The following DNAJC3 variants were observed in gnomAD, a reference collection of about 807,000 sequenced individuals.
The protein encoded by DNAJC3 is dnaJ homolog subfamily C member 3.
A neutral mutation model predicts 68.6 loss-of-function variants in DNAJC3; 38 were observed. The ratio of observed to expected loss-of-function variants is 0.55; its 90% confidence interval spans 0.43 to 0.73. The LOEUF (loss-of-function observed/expected upper bound fraction) is 0.73, where lower values mean the gene tolerates loss of function less well. Among genes scored for constraint, DNAJC3 ranks in the 30% least tolerant of loss-of-function variants. The probability of loss-of-function intolerance (pLI) is 0.00; values close to 1 mark genes in which losing one functional copy is unlikely to be tolerated. For missense variants in DNAJC3, 526 were observed against 591.9 expected (o/e 0.89, Z 1.16); for synonymous variants, 203 against 204.0 (o/e 1.00, Z 0.04).
chr13:95,704,855 T>TTTTGTTTTTTTG (rs1336629409), intron 1 of DNAJC3, among the ~76,000 whole-genome samples: 1 of 138,988 alleles, frequency 7.2e-6, no homozygotes, highest in African/African-American at 3.1e-5. Flanking sequence ...GTGTGTGTTT[T>TTTTGTTTTTTTG]TTTTTTTTTT....
Position 95,791,064 on chromosome 13 carries a change from A to G in DNAJC3, c.*34A>G. ...TTTTTCTGCTCTTCTTAATTTTTTT[A>G]AAGATTAAAAACAAAGAAATCTTGT... On this transcript the variant is annotated 3_prime_UTR_variant, in exon 12 of 12. Transcript: ENST00000602402. 1 of 1,598,370 alleles carries G rather than the reference A, an allele frequency of 6.3e-7. No individual in the cohort carries two copies. Among genetic ancestry groups the G allele is most frequent in the Non-Finnish European group, 8.5e-7 (1 of 1,175,360 alleles).
At chr13:95,704,605 A>G (rs928015282) in intron 1 of DNAJC3, among the ~76,000 whole-genome samples, 3 of 152,276 alleles carry the variant, frequency 2.0e-5, no homozygotes, top group South Asian at 4.1e-4. Flanking sequence ...CTGTGAGTCT[A>G]TGAATGGTGG....
intron 9 of DNAJC3, among the ~76,000 whole-genome samples, chr13:95,775,546 C>A (rs138075702): frequency 6.6e-6 from 1 of 152,290 alleles, no homozygotes; most frequent in East Asian, 1.9e-4. Flanking sequence ...CGATTGTATA[C>A]TACTGATAAT....
chr13:95,704,978 A>G (rs890087088), intron 1 of DNAJC3, among the ~76,000 whole-genome samples: 2 of 151,032 alleles, frequency 1.3e-5, no homozygotes, highest in African/African-American at 2.4e-5. Flanking sequence ...CAGCCTCCCC[A>G]GTAGCTGGGA....
At chr13:95,787,381 G>A (rs17882407) in intron 11 of DNAJC3, among the ~76,000 whole-genome samples, 2,280 of 152,296 alleles carry the variant, frequency 0.015, 60 homozygotes, top group African/African-American at 0.052. Context: ...CAGAGGGCCT[G>A]AATTTGAATC....
chr13:95,768,341 G>A (rs1275784300), intron 9 of DNAJC3, among the ~76,000 whole-genome samples: 6 of 152,132 alleles, frequency 3.9e-5, no homozygotes, highest in African/African-American at 1.4e-4. Context: ...TCATTTTCAG[G>A]TTGTTTGGAA....
chr13:95,779,385 A>G (rs878955034), intron 9 of DNAJC3, among the ~76,000 whole-genome samples: 1 of 152,044 alleles, frequency 6.6e-6, no homozygotes, highest in Non-Finnish European at 1.5e-5. Context: ...CGGCCTCCCA[A>G]AGTGCTGGGA....
intron 4 of DNAJC3, among the ~76,000 whole-genome samples, chr13:95,737,275 A>C (rs1293406639): frequency 6.6e-6 from 1 of 152,116 alleles, no homozygotes; most frequent in Admixed American, 6.5e-5. Context: ...TATTGGTCTA[A>C]AATTCTCTTT....
intron 7 of DNAJC3, among the ~76,000 whole-genome samples, chr13:95,761,088 A>G (rs1470137107): frequency 6.6e-6 from 1 of 152,190 alleles, no homozygotes; most frequent in Non-Finnish European, 1.5e-5. Context: ...CTTAAACTTG[A>G]CAATAGTTTT....
intron 4 of DNAJC3, among the ~76,000 whole-genome samples, chr13:95,725,704 A>C (rs1318183620): frequency 1.3e-5 from 2 of 148,820 alleles, no homozygotes; most frequent in African/African-American, 5.0e-5. Flanking sequence ...TTTAAGTTTT[A>C]GGGTACATGT....
intron 9 of DNAJC3, among the ~76,000 whole-genome samples, chr13:95,770,648 C>G (rs989207613): frequency 6.6e-6 from 1 of 152,078 alleles, no homozygotes; most frequent in African/African-American, 2.4e-5. Flanking sequence ...TTGTTTAAAT[C>G]GGCCTAAAAT....
At chr13:95,703,666 A>G (rs1375889831) in intron 1 of DNAJC3, among the ~76,000 whole-genome samples, 1 of 152,256 alleles carries the variant, frequency 6.6e-6, no homozygotes, top group Non-Finnish European at 1.5e-5. Flanking sequence ...GATTGACTGT[A>G]TATACAAATA....
At chr13:95,724,990 G>A (rs900373034) in intron 3 of DNAJC3, among the ~76,000 whole-genome samples, 188 bp from the exon 4 acceptor site, 8 of 152,124 alleles carry the variant, frequency 5.3e-5, no homozygotes, top group Non-Finnish European at 1.0e-4. Context: ...TATTTTTAAG[G>A]AAGCATACTT....
chr13:95,740,970 T>A (rs1593995525), intron 4 of DNAJC3, among the ~76,000 whole-genome samples: 1 of 152,364 alleles, frequency 6.6e-6, no homozygotes, highest in East Asian at 1.9e-4. Flanking sequence ...TTTTTCTAAT[T>A]TCTTTGTATT....
intron 5 of DNAJC3, 54 bp downstream of exon 5, chr13:95,757,850 T>C (rs1882710120): frequency 1.4e-6 from 2 of 1,456,422 alleles, no homozygotes; most frequent in Admixed American, 3.9e-5. Context: ...GTAAGGCACA[T>C]TTATATACTT....
intron 4 of DNAJC3, among the ~76,000 whole-genome samples, chr13:95,741,749 C>G (rs1413020459): frequency 6.6e-6 from 1 of 152,132 alleles, no homozygotes; most frequent in Non-Finnish European, 1.5e-5. Flanking sequence ...GTGGTGTGTC[C>G]TGGTGTATGC....
intron 9 of DNAJC3, among the ~76,000 whole-genome samples, chr13:95,776,065 C>A (rs886842035): frequency 6.6e-6 from 1 of 151,840 alleles, no homozygotes. Flanking sequence ...CTGTGCCTGG[C>A]CTGCTGCACA....
At chr13:95,732,394 A>G (rs936537020) in intron 4 of DNAJC3, among the ~76,000 whole-genome samples, 8 of 152,178 alleles carry the variant, frequency 5.3e-5, no homozygotes, top group Non-Finnish European at 1.5e-5. Context: ...TGGTAGGTTC[A>G]GCCTTGGTAG....
intron 7 of DNAJC3, among the ~76,000 whole-genome samples, chr13:95,762,674 C>A (rs983758572): frequency 6.6e-6 from 1 of 151,978 alleles, no homozygotes; most frequent in Non-Finnish European, 1.5e-5. Flanking sequence ...CATAGGTAAA[C>A]GTGTGCCATG....
Sources: allele counts gnomAD v4.1 joint callset (sites outside exome capture counted in the v4.1 genomes callset), GRCh38; gene constraint gnomAD v4.1.1; transcripts MANE v1.5; gene names NCBI Gene and HGNC (gene_info 2026-07-23, HGNC 2026-07-21).